Variants in TET3 observed in about 807,000 individuals in gnomAD.
The protein encoded by TET3 is tet methylcytosine dioxygenase 3, also known as methylcytosine dioxygenase TET3.
TET3 carries 19 observed loss-of-function variants against 141.4 expected under a neutral mutation model. That is an observed-to-expected ratio of 0.13 (90% CI 0.09 to 0.20). The LOEUF (loss-of-function observed/expected upper bound fraction) is 0.20. Ranked by LOEUF, TET3 falls within the 10% of genes least tolerant of loss-of-function variation. The pLI is 1.00. For synonymous variants in TET3, 1,043 were observed against 980.9 expected (o/e 1.06, Z -1.18); for missense variants, 1,874 against 2,356.9 (o/e 0.80, Z 4.24).
the TET3 span, among the ~76,000 whole-genome samples, chr2:74,120,179 G>T: frequency 1.3e-5 from 2 of 152,218 alleles, no homozygotes; most frequent in African/African-American, 4.8e-5. Context: ...CCTCCCGGGG[G>T]AACTCCATTC....
intron 2 of TET3, chr2:73,998,670 T>C (rs755411836): frequency 6.6e-6 from 1 of 152,290 alleles, no homozygotes; most frequent in Non-Finnish European, 1.5e-5. Flanking sequence ...GCAGTTCCCA[T>C]GACAACCGTA....
chr2:74,129,518 A>G, the TET3 span, among the ~76,000 whole-genome samples: 1 of 151,560 alleles, frequency 6.6e-6, no homozygotes, highest in African/African-American at 2.4e-5. Context: ...CTGTAATCCC[A>G]GCTACTCAGG....
intron 3 of TET3, among the ~76,000 whole-genome samples, chr2:74,045,903 C>CA (rs1297296109): frequency 6.6e-6 from 1 of 152,062 alleles, no homozygotes; most frequent in Non-Finnish European, 1.5e-5. Flanking sequence ...TCCATCTTGA[C>CA]AAAAAACAAA....
Position 74,080,490 on chromosome 2 carries a change from C to T in TET3, c.2586-8C>T. ...TGTGCTAATGGTGGCTTCTGTCTCC[C>T]TCTTCAGGTATGGAGAGAAGGGGAA... On this transcript the variant is annotated splice_region_variant and splice_polypyrimidine_tract_variant and intron_variant, in intron 5 of 11. Coordinates refer to ENST00000409262, the MANE Select transcript of TET3 (RefSeq NM_001287491.2). 1 of 1,611,760 alleles carries T rather than the reference C, an allele frequency of 6.2e-7. No individual in the cohort carries two copies. Among genetic ancestry groups the T allele is most frequent in the Non-Finnish European group, 8.5e-7 (1 of 1,178,944 alleles).
chr2:74,014,960 G>C (rs1269682235), intron 3 of TET3, among the ~76,000 whole-genome samples: 1 of 152,200 alleles, frequency 6.6e-6, no homozygotes, highest in African/African-American at 2.4e-5. Context: ...CCCATTTCTG[G>C]ATTTCTCCCT....
chr2:74,106,851 A>G lies in TET3; in HGVS notation c.*4675A>G, dbSNP rs1046801272. ...CGTCTGATGACATACTTGACCTTGA[A>G]AAATCTGGGGTCATTTTGTTTTTCA... On this transcript the variant is annotated 3_prime_UTR_variant, in exon 12 of 12. Coordinates refer to ENST00000409262, the MANE Select transcript of TET3 (RefSeq NM_001287491.2). 1.3e-5 allele frequency: 2 copies of G among 152,388 alleles called. No homozygotes were observed. Among genetic ancestry groups the G allele is most frequent in the African/African-American group, 2.4e-5 (1 of 41,440 alleles). The allele number at this position is 152,388 out of a possible 1,614,324, so 9.4% of individuals were successfully genotyped here.
rs2105229603 is a variant in TET3 at position 74,018,535 on chromosome 2, C to T, written c.360+15369C>T. ...GATTGAACTTTTCCTAAATAGAAAGCCTGTTATCCCCAATCTATTTATTGG... is the reference window on the plus strand; with the variant it reads ...GATTGAACTTTTCCTAAATAGAAAGTCTGTTATCCCCAATCTATTTATTGG... On this transcript the variant is annotated intron_variant, in intron 3 of 11. Transcript: ENST00000409262. Among the ~76,000 whole-genome samples the T allele has an allele frequency of 1.3e-5, 2 of 152,188 alleles. 1 individual carries two copies. Among genetic ancestry groups the T allele is most frequent in the South Asian group, 4.2e-4 (2 of 4,810 alleles).
chr2:74,071,802 T>C (rs1689219523), intron 4 of TET3, among the ~76,000 whole-genome samples: 1 of 152,236 alleles, frequency 6.6e-6, no homozygotes, highest in Non-Finnish European at 1.5e-5. Flanking sequence ...AGCCTCCTAA[T>C]ATCCAGCCAC....
intron 2 of TET3, among the ~76,000 whole-genome samples, chr2:73,989,452 G>T (rs1040977624): frequency 6.6e-6 from 1 of 152,108 alleles, no homozygotes; most frequent in Non-Finnish European, 1.5e-5. Flanking sequence ...TCTGCTTGCA[G>T]TTACTTTATA....
chr2:74,015,490 A>T (rs1685681401), intron 3 of TET3, among the ~76,000 whole-genome samples: 1 of 152,158 alleles, frequency 6.6e-6, no homozygotes, highest in Non-Finnish European at 1.5e-5. Flanking sequence ...ATGTGTTTGT[A>T]CCCTACTTAT....
At chr2:74,095,043 G>T (rs1690730925) in intron 10 of TET3, among the ~76,000 whole-genome samples, 1 of 152,132 alleles carries the variant, frequency 6.6e-6, no homozygotes, top group Admixed American at 6.5e-5. Context: ...TTCCTTGAAG[G>T]GATGATGCTG....
chr2:74,109,988 TAAGAC>T (rs1440977449), downstream of TET3, among the ~76,000 whole-genome samples: 1 of 152,176 alleles, frequency 6.6e-6, no homozygotes, highest in Non-Finnish European at 1.5e-5. Flanking sequence ...ATTTTGTCAA[TAAGAC>T]AGGCTAATGA....
rs371132058 is a variant in TET3 at position 74,025,141 on chromosome 2, G to A, written c.361-21137G>A. 3.8e-3 allele frequency among the ~76,000 whole-genome samples: 563 copies of A among 148,702 alleles called. 4 individuals are homozygous for A. Among genetic ancestry groups the A allele is most frequent in the African/African-American group, 0.013 (535 of 40,310 alleles). ...CAGGAGGCTGAGGCAGGAGAATGGC[G>A]TGAACCCGGGAGGCGGAGCTTGCAG... On this transcript the variant is annotated intron_variant, in intron 3 of 11. Transcript: ENST00000409262.
intron 7 of TET3, among the ~76,000 whole-genome samples, chr2:74,089,570 G>C (rs1421646698): frequency 1.3e-5 from 2 of 152,228 alleles, no homozygotes; most frequent in Non-Finnish European, 2.9e-5. Flanking sequence ...AGCTGGTTAA[G>C]ATATTAAGTT....
At chr2:74,132,044 G>A in the TET3 span, among the ~76,000 whole-genome samples, 1 of 152,152 alleles carries the variant, frequency 6.6e-6, no homozygotes, top group African/African-American at 2.4e-5. Flanking sequence ...TCTGGTGTCC[G>A]GAGGTTCCTA....
the TET3 span, among the ~76,000 whole-genome samples, chr2:74,133,074 T>A: frequency 2.6e-5 from 2 of 77,702 alleles, no homozygotes; most frequent in Non-Finnish European, 4.5e-5. Flanking sequence ...ATTTTTGTAT[T>A]TTTTTTTTTT....
chr2:74,025,116 C>A (rs1202485234), intron 3 of TET3, among the ~76,000 whole-genome samples: 1 of 148,934 alleles, frequency 6.7e-6, no homozygotes, highest in East Asian at 2.0e-4. Flanking sequence ...CCCAGCTGCT[C>A]AGGAGGCTGA....
chr2:74,043,561 A>C (rs1687457286), intron 3 of TET3, among the ~76,000 whole-genome samples: 2 of 152,284 alleles, frequency 1.3e-5, no homozygotes, highest in Admixed American at 1.3e-4. Context: ...TAGGTAGGGG[A>C]AGAGGTGACA....
chr2:74,031,597 G>A (rs1686692090), intron 3 of TET3, among the ~76,000 whole-genome samples: 1 of 152,138 alleles, frequency 6.6e-6, no homozygotes, highest in African/African-American at 2.4e-5. Flanking sequence ...ATTAATTTGT[G>A]CTCCCCAATT....
Sources: allele counts gnomAD v4.1 joint callset (sites outside exome capture counted in the v4.1 genomes callset), GRCh38; gene constraint gnomAD v4.1.1; transcripts MANE v1.5; gene names NCBI Gene and HGNC (gene_info 2026-07-23, HGNC 2026-07-21).